GTF2IRD2B: variants seen among roughly 807,000 people sequenced by gnomAD.
The protein encoded by GTF2IRD2B is general transcription factor II-I repeat domain-containing protein 2B.
In GTF2IRD2B, 10 loss-of-function variants were observed where a neutral mutation model predicts 55.6. The observed-to-expected ratio is 0.18, with a 90% confidence interval of 0.11 to 0.31. The LOEUF is 0.31. Among genes scored for constraint, GTF2IRD2B ranks in the 10% least tolerant of loss-of-function variants. The pLI is 1.00. For synonymous variants in GTF2IRD2B, 107 were observed against 320.5 expected (o/e 0.33, Z 7.12); for missense variants, 206 against 802.7 (o/e 0.26, Z 8.98).
intron 1 of GTF2IRD2B, among the ~76,000 whole-genome samples, chr7:75,093,086 G>A (rs369708704): frequency 2.0e-5 from 3 of 152,292 alleles, no homozygotes; most frequent in Non-Finnish European, 2.9e-5. Flanking sequence ...GTCGTACGTG[G>A]GGCGCTCGCG....
intron 8 of GTF2IRD2B, among the ~76,000 whole-genome samples, chr7:75,127,063 AT>A (rs1554452540): frequency 6.6e-6 from 1 of 150,532 alleles, no homozygotes; most frequent in Non-Finnish European, 1.5e-5. Flanking sequence ...CTAGCAGGTT[AT>A]CATTTGACAC....
chr7:75,129,118 C>A (rs1554452699), intron 8 of GTF2IRD2B, among the ~76,000 whole-genome samples: 1 of 149,962 alleles, frequency 6.7e-6, no homozygotes, highest in African/African-American at 2.4e-5. Flanking sequence ...GTGCACATGT[C>A]CCCTTCCACT....
chr7:75,147,485 A>T (rs1363758967), intron 15 of GTF2IRD2B, among the ~76,000 whole-genome samples: 1 of 152,084 alleles, frequency 6.6e-6, no homozygotes, highest in Non-Finnish European at 1.5e-5. Context: ...GAAAACTTGA[A>T]GATCTGGCCA....
chr7:75,132,702 G>A (rs1386118980), intron 8 of GTF2IRD2B, among the ~76,000 whole-genome samples: 12 of 142,264 alleles, frequency 8.4e-5, no homozygotes, highest in African/African-American at 2.0e-4. Context: ...ACAGGCGTCC[G>A]CCACCACTCC....
At chr7:75,116,843 C>T (rs1554451405) in intron 3 of GTF2IRD2B, among the ~76,000 whole-genome samples, 2 of 150,886 alleles carry the variant, frequency 1.3e-5, no homozygotes, top group Non-Finnish European at 3.0e-5. Flanking sequence ...TGGGGTTTCA[C>T]CACATTGGCC....
At chr7:75,136,976 G>A (rs1459124542) in intron 11 of GTF2IRD2B, 126 bp downstream of exon 11, 1 of 255,410 alleles carries the variant, frequency 3.9e-6, no homozygotes, top group East Asian at 1.1e-4. Context: ...GGCCAAGGCA[G>A]GTGTATTGCT....
At chr7:75,136,298 GT>G (rs55650547) in intron 10 of GTF2IRD2B, among the ~76,000 whole-genome samples, 14,392 of 117,698 alleles carry the variant, frequency 0.12, 562 homozygotes, top group African/African-American at 0.29. Flanking sequence ...AAATGATTCT[GT>G]TTTTTTTTTT....
At chr7:75,112,649 C>A (rs1808012096) in intron 3 of GTF2IRD2B, 114 bp downstream of exon 3, 1 of 1,563,342 alleles carries the variant, frequency 6.4e-7, no homozygotes, top group East Asian at 2.3e-5. Context: ...ACGATCCTAA[C>A]ACATCTTCTT....
At chr7:75,122,908 G>A (rs1808426362) in intron 4 of GTF2IRD2B, among the ~76,000 whole-genome samples, 4 of 150,202 alleles carry the variant, frequency 2.7e-5, no homozygotes, top group Admixed American at 2.7e-4. Flanking sequence ...AAATTAGCTG[G>A]GCATGGTGGT....
intron 1 of GTF2IRD2B, among the ~76,000 whole-genome samples, chr7:75,104,842 G>A (rs1384187307): frequency 6.6e-6 from 1 of 152,284 alleles, no homozygotes; most frequent in Non-Finnish European, 1.5e-5. Context: ...AAGCGGAGAG[G>A]CAATTGAGGC....
rs587593779 is a variant in GTF2IRD2B at position 75,104,206 on chromosome 7, TC to T, written c.-5-4752del. On this transcript the variant is annotated intron_variant, in intron 1 of 15. Transcript: ENST00000472837. ...GGCACAATCTTGGCTCACTGCAACC[TC>T]CGCCTCCTGGGTTCAAGCAATTCTC... Among the ~76,000 whole-genome samples the T allele has an allele frequency of 3.9e-3, 550 of 142,180 alleles. 2 individuals carry two copies. Among genetic ancestry groups the T allele is most frequent in the South Asian group, 0.032 (135 of 4,198 alleles). The allele number at this position is 142,180 out of a possible 152,430, so 93.3% of individuals were successfully genotyped here.
chr7:75,115,160 T>C (rs1379988649), intron 3 of GTF2IRD2B, among the ~76,000 whole-genome samples: 1 of 141,516 alleles, frequency 7.1e-6, no homozygotes, highest in African/African-American at 2.6e-5. Flanking sequence ...TGGTCATAAA[T>C]TCCTGGGCTC....
intron 1 of GTF2IRD2B, among the ~76,000 whole-genome samples, chr7:75,105,895 T>C (rs1807784959): frequency 7.9e-5 from 12 of 152,298 alleles, no homozygotes; most frequent in Non-Finnish European, 1.5e-5. Flanking sequence ...GAACCCAGGC[T>C]GCTGTGGTGG....
At chr7:75,123,037 G>A (rs1428935755) in intron 4 of GTF2IRD2B, 99 bp from the exon 5 acceptor site, 11 of 1,562,402 alleles carry the variant, frequency 7.0e-6, no homozygotes, top group Middle Eastern at 2.4e-4. Context: ...GTGGCAGAGC[G>A]AGACTCTGTT....
At chr7:75,137,010 C>G (rs1373952061) in intron 11 of GTF2IRD2B, among the ~76,000 whole-genome samples, 160 bp downstream of exon 11, 10 of 147,398 alleles carry the variant, frequency 6.8e-5, no homozygotes, top group South Asian at 2.2e-4. Context: ...TTGAGACCAG[C>G]CTGGGAAACA....
intron 1 of GTF2IRD2B, among the ~76,000 whole-genome samples, chr7:75,104,744 G>A (rs1167532271): frequency 1.3e-5 from 2 of 152,282 alleles, no homozygotes; most frequent in African/African-American, 4.8e-5. Context: ...CTTGGTGAGT[G>A]GAATCTAGAA....
chr7:75,107,450 C>T (rs1215317137), intron 1 of GTF2IRD2B, among the ~76,000 whole-genome samples: 3 of 142,096 alleles, frequency 2.1e-5, no homozygotes, highest in African/African-American at 7.5e-5. Flanking sequence ...TGGCAGGCGC[C>T]TGTAGTCCCA....
chr7:75,106,499 G>A (rs1260215317), intron 1 of GTF2IRD2B, among the ~76,000 whole-genome samples: 1 of 143,816 alleles, frequency 7.0e-6, no homozygotes, highest in African/African-American at 2.6e-5. Context: ...GGGATATGAT[G>A]GTAGCTGACA....
intron 3 of GTF2IRD2B, 165 bp downstream of exon 3, chr7:75,112,700 G>GA (rs1291168684): frequency 6.4e-7 from 1 of 1,564,858 alleles, no homozygotes; most frequent in African/African-American, 1.4e-5. Context: ...ACACTGCAGA[G>GA]TCCAAGACAA....
Sources: allele counts gnomAD v4.1 joint callset (sites outside exome capture counted in the v4.1 genomes callset), GRCh38; gene constraint gnomAD v4.1.1; transcripts MANE v1.5; gene names NCBI Gene and HGNC (gene_info 2026-07-23, HGNC 2026-07-21).